The following COL20A1 variants were observed in gnomAD, a reference collection of about 807,000 sequenced individuals.
The protein encoded by COL20A1 is collagen type XX alpha 1 chain.
A neutral mutation model predicts 152.9 loss-of-function variants in COL20A1; 164 were observed. The observed-to-expected ratio is 1.07, with a 90% CI of 0.94 to 1.22. The LOEUF (loss-of-function observed/expected upper bound fraction) is 1.22, where lower values mean the gene tolerates loss of function less well. Among genes scored for constraint, COL20A1 ranks in the 50% most tolerant of loss-of-function variants. The pLI is 0.00. For synonymous variants in COL20A1, 864 were observed against 756.0 expected (o/e 1.14, Z -2.34); for missense variants, 1,873 against 1,744.8 (o/e 1.07, Z -1.31).
rs2067952505 is a variant in COL20A1, at chr20:63,308,077, G to GA, written c.764dup (p.Asn255LysfsTer66). 2 of 1,610,466 alleles carry GA rather than the reference G, an allele frequency of 1.2e-6. No individual in the cohort carries two copies. The highest frequency in any genetic ancestry group is 8.5e-7 in the Non-Finnish European group (1 of 1,179,750). On this transcript the variant is annotated frameshift_variant, in exon 7 of 36. Transcript: ENST00000358894. LOFTEE classifies it high-confidence loss of function. The stretch of plus-strand genomic sequence containing the variant: ...TGCGCCGCCTCCGCTACAAGGGGGG[G>GA]AACACGTTCACAGGTACGGCCCAGG...
rs759007324 is a variant in COL20A1, at chr20:63,309,812, A to G, written c.1160A>G (p.Gln387Arg). 5.0e-6 allele frequency: 8 copies of G among 1,609,092 alleles called. No individual in the cohort carries two copies. The Admixed American group carries it at 8.4e-5, about 17-fold the overall frequency. ...LPAPTSLVLS[Q>R]VTSSSIRLSW... The stretch of plus-strand genomic sequence containing the variant: ...GCCCCCACCAGCCTGGTCCTGAGCC[A>G]GGTGACCTCCTCCAGCATCCGCCTG... The change falls in exon 10 of 36, where the codon CAG becomes CGG. Residue 387 changes from glutamine (Q) to arginine (R), a missense_variant. Physicochemically the swap from Gln to Arg is conservative, Grantham distance 43 (BLOSUM62 1). Coordinates refer to ENST00000358894, the MANE Select transcript of COL20A1 (RefSeq NM_020882.4).
rs1437978686 is a variant in COL20A1 at position 63,328,402 on chromosome 20, G to A, written c.3685G>A (p.Glu1229Lys). ...CATGCCCATCTTGGAGCAGAAGCTGGAGCCGGGCACTGAGCCCCTGGGGTC... is the reference window on the plus strand; with the variant it reads ...CATGCCCATCTTGGAGCAGAAGCTGAAGCCGGGCACTGAGCCCCTGGGGTC... ...PPMPILEQKL[E>K]PGTEPLGSPG... Residue 1229 changes from glutamate to lysine, a missense_variant, in exon 34 of 36, where the codon GAG becomes AAG. Transcript: ENST00000358894. The A allele has an allele frequency of 1.9e-6, 3 of 1,612,650 alleles. No homozygotes were observed. In the South Asian group the frequency reaches 3.3e-5, roughly 18 times the overall value.
intron 27 of COL20A1, among the ~76,000 whole-genome samples, chr20:63,323,967 A>G (rs1021509809): frequency 5.3e-5 from 8 of 152,210 alleles, no homozygotes; most frequent in Non-Finnish European, 8.8e-5. Context: ...ATGATGTTGA[A>G]TCTTCTCATC....
At chr20:63,322,137 T>C in intron 27 of COL20A1, 26 bp downstream of exon 27, 1 of 1,487,728 alleles carries the variant, frequency 6.7e-7, no homozygotes. Context: ...CCCTGGGAGG[T>C]GAGGGGCCTG....
Position 63,313,734 on chromosome 20 carries a change from C to T in COL20A1, c.2210-9C>T, listed in dbSNP as rs2068046945. ...GCCTGAGCCCCACACAACCCATGCT[C>T]TCGGCCAGCCACGGTGAGCAGGAGC... is the stretch of plus-strand genomic sequence containing the variant. On this transcript the variant is annotated splice_polypyrimidine_tract_variant and intron_variant, in intron 17 of 35. Transcript: ENST00000358894. This position sits in a 1 kb window ranked among gnomAD's most constrained non-coding sequence, Gnocchi z 5.9. The T allele has an allele frequency of 6.4e-7, 1 of 1,572,132 alleles. No homozygotes were observed. The highest frequency in any genetic ancestry group is 1.2e-5 in the South Asian group (1 of 84,054).
Position 63,311,376 on chromosome 20 carries a change from C to T in COL20A1, c.1394-18C>T. On this transcript the variant is annotated intron_variant, in intron 11 of 35. Transcript: ENST00000358894. The surrounding 1 kb of genome is among the most constrained non-coding windows in gnomAD (Gnocchi z 4.4). The stretch of plus-strand genomic sequence containing the variant: ...CTGTGTGGGCTCCTTCCTAAAGTGT[C>T]CCTGCATGGCCCCCCAGCACCTCTG... 6.4e-7 allele frequency: 1 copy of T among 1,569,394 alleles called. No individual in the cohort carries two copies. Among genetic ancestry groups the T allele is most frequent in the Non-Finnish European group, 8.6e-7 (1 of 1,159,416 alleles).
intron 27 of COL20A1, chr20:63,324,801 G>A (rs2068219312): frequency 6.4e-6 from 1 of 157,292 alleles, no homozygotes; most frequent in African/African-American, 2.4e-5. Context: ...GATAATTTGA[G>A]TTTAAATAGC....
At chr20:63,321,452 T>C (rs1417028744) in intron 26 of COL20A1, among the ~76,000 whole-genome samples, 1 of 152,208 alleles carries the variant, frequency 6.6e-6, no homozygotes, top group Non-Finnish European at 1.5e-5. Flanking sequence ...AATCCAGTGT[T>C]TCTGAAGTGT....
At chr20:63,316,046 C>T (rs527707635) in intron 20 of COL20A1, among the ~76,000 whole-genome samples, 2 of 152,300 alleles carry the variant, frequency 1.3e-5, no homozygotes, top group East Asian at 1.9e-4. Context: ...ATGGGGTCAT[C>T]GCAGGCCCCC....
chr20:63,322,676 C>T (rs944365781), intron 27 of COL20A1, among the ~76,000 whole-genome samples: 3 of 152,268 alleles, frequency 2.0e-5, no homozygotes, highest in South Asian at 2.1e-4. Flanking sequence ...CAAAGGGCCG[C>T]CCTCCAGGCT....
In COL20A1 at chr20:63,309,318, C is replaced by T; in HGVS notation, c.941-15C>T. On this transcript the variant is annotated splice_polypyrimidine_tract_variant and intron_variant, in intron 8 of 35. Transcript: ENST00000358894. ...CCCCAGTGCAGGCCAACCCCACCTC[C>T]CTCCTCACGAGCAGGTGTGAAGAAC... The T allele has an allele frequency of 6.9e-7, 1 of 1,449,134 alleles. No homozygotes were observed. The highest frequency in any genetic ancestry group is 9.1e-7 in the Non-Finnish European group (1 of 1,094,280). The allele number at this position is 1,449,134 out of a possible 1,614,324, so 89.8% of individuals were successfully genotyped here. A position where few individuals can be genotyped will look rare whatever the true frequency, so the allele number is the denominator to read the frequency against.
chr20:63,305,605 G>C lies in COL20A1; in HGVS notation c.337+45G>C. 2 of 1,541,482 alleles carry C rather than the reference G, an allele frequency of 1.3e-6. No homozygotes were observed. The highest frequency in any genetic ancestry group is 1.7e-6 in the Non-Finnish European group (2 of 1,146,184). ...GCTGGGTACCCACTCCTCCAGGCCG[G>C]GTCCCACCCTCCTCTGGGCTGGGGT... On this transcript the variant is annotated intron_variant, in intron 4 of 35. Transcript: ENST00000358894. This position sits in a 1 kb window ranked among gnomAD's most constrained non-coding sequence, Gnocchi z 4.9.
chr20:63,320,626 G>T (rs544793691), intron 25 of COL20A1, among the ~76,000 whole-genome samples: 1 of 152,316 alleles, frequency 6.6e-6, no homozygotes, highest in Admixed American at 6.5e-5. Flanking sequence ...GCCCAGCCAG[G>T]TGCAGATGAG....
chr20:63,318,110 C>G (rs2068107824), intron 21 of COL20A1, among the ~76,000 whole-genome samples: 1 of 152,210 alleles, frequency 6.6e-6, no homozygotes, highest in Non-Finnish European at 1.5e-5. Context: ...GTGGCATGAG[C>G]AGGCACTTCC....
Position 63,313,908 on chromosome 20 carries a change from C to G in COL20A1, c.2358+17C>G, listed in dbSNP as rs1173178744. The G allele has an allele frequency of 1.3e-6, 2 of 1,588,468 alleles. No homozygotes were observed. The highest frequency in any genetic ancestry group is 2.7e-5 in the African/African-American group (2 of 74,212). On this transcript the variant is annotated intron_variant, in intron 18 of 35. Coordinates refer to ENST00000358894, the MANE Select transcript of COL20A1 (RefSeq NM_020882.4). The surrounding 1 kb of genome is among the most constrained non-coding windows in gnomAD (Gnocchi z 5.9). ...GAGAAATCCGTGAGTCTTGGTAGAG[C>G]CTGAGGCTGCCCCACCTCGTGGGGC...
At chr20:63,325,244 C>G (rs1470242085) in intron 27 of COL20A1, 197 bp from the exon 28 acceptor site, 1 of 701,998 alleles carries the variant, frequency 1.4e-6, no homozygotes, top group Admixed American at 2.0e-5. Context: ...CCTTGTCAGG[C>G]CCTACCCGCT....
chr20:63,326,812 G>C lies in COL20A1; in HGVS notation c.3517G>C (p.Val1173Leu), dbSNP rs370233069. Residue 1173 changes from valine to leucine, a missense_variant, in exon 31 of 36, where the codon GTG becomes CTG. By Grantham distance (32) the Val-to-Leu change is conservative. Transcript: ENST00000358894. ...TGGAGAGCGAGGACCTCCAGGGACC[G>C]TGGGGCCCACAGTAAGTGCATTTCC... is the stretch of plus-strand genomic sequence containing the variant. ...TSGERGPPGT[V>L]GPTGLPGPKG... 1.3e-6 allele frequency: 2 copies of C among 1,501,306 alleles called. No individual in the cohort carries two copies. The highest frequency in any genetic ancestry group is 8.8e-7 in the Non-Finnish European group (1 of 1,137,002). 93.0% of individuals were successfully genotyped at this position (1,501,306 alleles called of 1,614,324 possible).
chr20:63,304,327 CCTCTT>C (rs2067896217), intron 3 of COL20A1, among the ~76,000 whole-genome samples: 1 of 122,284 alleles, frequency 8.2e-6, no homozygotes, highest in Non-Finnish European at 1.7e-5. Flanking sequence ...GTTCCTCCCT[CCTCTT>C]CTCCCTGCAG....
rs1329013303 is a variant in COL20A1 at position 63,305,936 on chromosome 20, T to A, written c.393T>A (p.Ser131=). The A allele has an allele frequency of 6.2e-7, 1 of 1,612,330 alleles. No individual in the cohort carries two copies. Among genetic ancestry groups the A allele is most frequent in the Non-Finnish European group, 8.5e-7 (1 of 1,179,480 alleles). Residue 131 remains serine (S), a synonymous_variant, in exon 5 of 36, where the codon TCT becomes TCA. Coordinates refer to ENST00000358894, the MANE Select transcript of COL20A1 (RefSeq NM_020882.4). This position sits in a 1 kb window ranked among gnomAD's most constrained non-coding sequence, Gnocchi z 4.9. The stretch of plus-strand genomic sequence containing the variant: ...GGAGCAGCCAGAGGCCCCTCGGCTC[T>A]GGAGCCCCGGAGCCCACCCCCTCCC... ...LDRSSQRPLG[S]GAPEPTPSHT...
Sources: gnomAD v4.1 joint callset for allele counts (sites outside exome capture counted in the v4.1 genomes callset) on GRCh38, gnomAD v4.1.1 for gene constraint, Gnocchi (gnomAD v3.1) non-coding constraint, MANE v1.5 for transcripts, NCBI Gene and HGNC (gene_info 2026-07-23, HGNC 2026-07-21) for gene names.